The following PLD5 variants were observed in gnomAD, a reference collection of about 807,000 sequenced individuals.
PLD5 encodes the protein phospholipase D family member 5, also known as inactive phospholipase D5.
Under a neutral mutation model 61.1 loss-of-function variants are expected in PLD5, and 36 were observed. The observed-to-expected ratio is 0.59, with a 90% CI of 0.45 to 0.78. PLD5 has a LOEUF of 0.78. PLD5 is among the 30% of genes least tolerant of loss of function. The probability of loss-of-function intolerance (pLI) is 0.00; values close to 1 mark genes in which losing one functional copy is unlikely to be tolerated. For synonymous variants in PLD5, 243 were observed against 242.8 expected (o/e 1.00, Z -0.01); for missense variants, 515 against 644.4 (o/e 0.80, Z 2.17).
intron 4 of PLD5, among the ~76,000 whole-genome samples, chr1:242,239,908 G>C (rs781542946): frequency 6.6e-6 from 1 of 152,132 alleles, no homozygotes; most frequent in Non-Finnish European, 1.5e-5. Flanking sequence ...ACTGTACTTG[G>C]GCAAATTTGT....
intron 9 of PLD5, among the ~76,000 whole-genome samples, chr1:242,093,256 C>T (rs193158529): frequency 6.2e-4 from 94 of 152,130 alleles, no homozygotes; most frequent in Non-Finnish European, 7.9e-4. Flanking sequence ...AGGACTGGAT[C>T]TCTAAACGGG....
intron 1 of PLD5, among the ~76,000 whole-genome samples, chr1:242,373,478 C>T (rs984456715): frequency 2.0e-5 from 3 of 152,202 alleles, no homozygotes; most frequent in Admixed American, 2.0e-4. Flanking sequence ...TTAAATCATG[C>T]TGCTATAAAG....
chr1:242,245,816 G>C (rs1401261271), intron 4 of PLD5, among the ~76,000 whole-genome samples: 3 of 152,252 alleles, frequency 2.0e-5, no homozygotes, highest in East Asian at 3.9e-4. Flanking sequence ...GTGGGGCCCA[G>C]TACTGTGGCT....
chr1:242,355,879 T>G (rs1265477832), intron 1 of PLD5, among the ~76,000 whole-genome samples: 1 of 152,108 alleles, frequency 6.6e-6, no homozygotes, highest in African/African-American at 2.4e-5. Context: ...TTAATTTCAT[T>G]GAGTTTTCTG....
At chr1:242,527,129 T>TTTTTTTTTTTTTTTTTTTTG (rs1669467044), upstream of PLD5, among the ~76,000 whole-genome samples, 1 of 37,872 alleles carries the variant, frequency 2.6e-5, no homozygotes, top group Non-Finnish European at 5.9e-5. Context: ...TTTTTTTTTT[T>TTTTTTTTTTTTTTTTTTTTG]TTTTTTTTTT....
chr1:242,109,808 G>A (rs768345903), intron 7 of PLD5, among the ~76,000 whole-genome samples: 10 of 151,806 alleles, frequency 6.6e-5, no homozygotes, highest in Non-Finnish European at 1.2e-4. Flanking sequence ...AAGCTGTGCC[G>A]CGGGGCTCTT....
intron 1 of PLD5, among the ~76,000 whole-genome samples, chr1:242,433,458 C>G (rs901851422): frequency 6.6e-6 from 1 of 152,152 alleles, no homozygotes; most frequent in African/African-American, 2.4e-5. Flanking sequence ...ATACAGCAAT[C>G]TAAACATATT....
intron 2 of PLD5, among the ~76,000 whole-genome samples, chr1:242,344,637 C>T (rs1305962717): frequency 1.3e-5 from 2 of 152,042 alleles, no homozygotes; most frequent in Admixed American, 1.3e-4. Context: ...TTTACTGAAT[C>T]CTCATAAACT....
At chr1:242,305,326 GTAGT>G (rs1184985928) in intron 2 of PLD5, among the ~76,000 whole-genome samples, 10 of 152,130 alleles carry the variant, frequency 6.6e-5, no homozygotes, top group Non-Finnish European at 1.5e-4. Context: ...TTCTGCAACT[GTAGT>G]TATTGTTATT....
intron 5 of PLD5, among the ~76,000 whole-genome samples, chr1:242,127,276 C>T (rs1487986930): frequency 6.6e-6 from 1 of 152,172 alleles, no homozygotes; most frequent in African/African-American, 2.4e-5. Flanking sequence ...GTAGAACTAC[C>T]ATTGGATCCA....
At chr1:242,383,702 G>A (rs1662433614) in intron 1 of PLD5, among the ~76,000 whole-genome samples, 1 of 152,022 alleles carries the variant, frequency 6.6e-6, no homozygotes, top group South Asian at 2.1e-4. Flanking sequence ...ATCTCACCAA[G>A]ACTAGAAAAA....
At chr1:242,451,694 A>T (rs1255400754) in intron 1 of PLD5, among the ~76,000 whole-genome samples, 1 of 152,000 alleles carries the variant, frequency 6.6e-6, no homozygotes, top group African/African-American at 2.4e-5. Context: ...TCCTGAGCTC[A>T]GGTGATCCAC....
At chr1:242,261,786 G>T (rs1173931320) in intron 4 of PLD5, among the ~76,000 whole-genome samples, 1 of 152,178 alleles carries the variant, frequency 6.6e-6, no homozygotes, top group African/African-American at 2.4e-5. Flanking sequence ...GATACAACAT[G>T]ATACGTATCC....
intron 8 of PLD5, 101 bp from the exon 9 acceptor site, chr1:242,100,883 T>G (rs966219210): frequency 5.4e-5 from 40 of 738,312 alleles, no homozygotes; most frequent in Middle Eastern, 4.9e-4. Flanking sequence ...ACAATAGACC[T>G]CAAGTTGGGT....
chr1:242,370,638 C>A (rs566046387), intron 1 of PLD5, among the ~76,000 whole-genome samples: 2 of 152,238 alleles, frequency 1.3e-5, no homozygotes, highest in East Asian at 3.9e-4. Flanking sequence ...TTAGGGATTC[C>A]CTCTGTACTC....
chr1:242,186,713 C>T (rs1424826568), intron 5 of PLD5, among the ~76,000 whole-genome samples: 1 of 152,174 alleles, frequency 6.6e-6, no homozygotes, highest in East Asian at 1.9e-4. Context: ...GTAATCTTCA[C>T]AAAAGCCCCA....
At chr1:242,132,625 C>G (rs1156965396) in intron 5 of PLD5, among the ~76,000 whole-genome samples, 1 of 151,956 alleles carries the variant, frequency 6.6e-6, no homozygotes, top group Non-Finnish European at 1.5e-5. Context: ...ATTTTTGTTA[C>G]GGGGGATAGA....
At chr1:242,437,082 T>G (rs1666030612) in intron 1 of PLD5, among the ~76,000 whole-genome samples, 1 of 152,174 alleles carries the variant, frequency 6.6e-6, no homozygotes, top group Non-Finnish European at 1.5e-5. Context: ...TCACTTCACC[T>G]TCTGGGACCT....
chr1:242,435,332 C>T lies in PLD5; in HGVS notation c.190-87090G>A, dbSNP rs765743236. Among the ~76,000 whole-genome samples the T allele has an allele frequency of 8.0e-5, 12 of 149,308 alleles. 1 individual carries two copies. Among genetic ancestry groups the T allele is most frequent in the Admixed American group, 2.6e-4 (4 of 15,176 alleles). On this transcript the variant is annotated intron_variant, in intron 1 of 9. Coordinates refer to ENST00000536534, the MANE Select transcript of PLD5 (RefSeq NM_001372062.1). Reference sequence around the variant, plus strand: ...CAAACAAGGTGACACTCTGCTCTCTCGTTTCAGCTTGGCTGCCATAATCTT... The same window carrying T: ...CAAACAAGGTGACACTCTGCTCTCTTGTTTCAGCTTGGCTGCCATAATCTT...
Sources: gnomAD v4.1 joint callset for allele counts (sites outside exome capture counted in the v4.1 genomes callset) on GRCh38, gnomAD v4.1.1 for gene constraint, MANE v1.5 for transcripts, NCBI Gene and HGNC (gene_info 2026-07-23, HGNC 2026-07-21) for gene names.